The following CHN2 variants were observed in gnomAD, a reference collection of about 807,000 sequenced individuals.
CHN2 encodes the protein beta-chimaerin.
A neutral mutation model predicts 56.3 loss-of-function variants in CHN2; 35 were observed. That is an observed-to-expected ratio of 0.62 (90% confidence interval 0.47 to 0.82). CHN2 has a LOEUF of 0.82. Among genes scored for constraint, CHN2 ranks in the 40% least tolerant of loss-of-function variants. The probability of loss-of-function intolerance (pLI) is 0.00; values close to 1 mark genes in which losing one functional copy is unlikely to be tolerated. For missense variants in CHN2, 491 were observed against 580.5 expected (o/e 0.85, Z 1.58); for synonymous variants, 210 against 212.8 (o/e 0.99, Z 0.12).
intron 1 of CHN2, among the ~76,000 whole-genome samples, chr7:29,296,909 A>C (rs1427809071): frequency 1.1e-4 from 16 of 152,180 alleles, no homozygotes; most frequent in Admixed American, 1.0e-3. Context: ...CTATGACAGG[A>C]TCCTGGCTGG....
intron 6 of CHN2, among the ~76,000 whole-genome samples, chr7:29,452,397 C>T (rs1784466675): frequency 6.6e-6 from 1 of 152,154 alleles, no homozygotes; most frequent in South Asian, 2.1e-4. Context: ...AGAGCCGGCA[C>T]CTGAGAGGGA....
chr7:29,389,782 G>T (rs974363224), intron 3 of CHN2, among the ~76,000 whole-genome samples: 1 of 152,044 alleles, frequency 6.6e-6, no homozygotes. Flanking sequence ...GGCCAGGCAC[G>T]GTGGCTCATG....
chr7:29,444,421 T>G (rs973933402), intron 6 of CHN2, among the ~76,000 whole-genome samples: 1 of 152,168 alleles, frequency 6.6e-6, no homozygotes, highest in Non-Finnish European at 1.5e-5. Flanking sequence ...GCATTTCATC[T>G]GGGCCCAAGG....
Position 29,194,871 on chromosome 7 carries a change from G to T in CHN2, c.-71G>T, listed in dbSNP as rs946103323. On this transcript the variant is annotated 5_prime_UTR_variant, in exon 1 of 13. Transcript: ENST00000222792. Reference sequence around the variant, plus strand: ...CTGGGGGCCGCGGAGGCTGCGAGCGGCCGGGCGAGGGCAGCGGCGGCGGCG... The same window carrying T: ...CTGGGGGCCGCGGAGGCTGCGAGCGTCCGGGCGAGGGCAGCGGCGGCGGCG... 66 of 1,330,624 alleles carry T rather than the reference G, an allele frequency of 5.0e-5. No individual in the cohort carries two copies. The African/African-American group carries it at 9.5e-4, about 19-fold the overall frequency. The allele number at this position is 1,330,624 out of a possible 1,614,324, so 82.4% of individuals were successfully genotyped here. A position where few individuals can be genotyped will look rare whatever the true frequency, so the allele number is the denominator to read the frequency against.
intron 3 of CHN2, chr7:29,380,757 C>T (rs984959827): frequency 6.6e-6 from 1 of 152,128 alleles, no homozygotes; most frequent in Non-Finnish European, 1.5e-5. Context: ...TGAGTTTTCC[C>T]TTGATTTGAT....
At chr7:29,160,362 T>A (rs182873304) in intron 2 of CHN2, among the ~76,000 whole-genome samples, 75 of 152,334 alleles carry the variant, frequency 4.9e-4, no homozygotes, top group Admixed American at 1.7e-3. Context: ...TGTATGTGGC[T>A]GACAACGTTA....
At chr7:29,444,030 G>A (rs911882347) in intron 6 of CHN2, among the ~76,000 whole-genome samples, 3 of 152,128 alleles carry the variant, frequency 2.0e-5, no homozygotes, top group Non-Finnish European at 4.4e-5. Flanking sequence ...TTTGCTTATA[G>A]AGCAACTTTC....
chr7:29,297,515 T>C (rs1194758220), intron 1 of CHN2, among the ~76,000 whole-genome samples: 2 of 152,082 alleles, frequency 1.3e-5, no homozygotes, highest in Non-Finnish European at 2.9e-5. Flanking sequence ...TGGAGTTTGA[T>C]GGCCTGAAGT....
intron 2 of CHN2, among the ~76,000 whole-genome samples, chr7:29,162,533 T>C (rs1382169774): frequency 6.6e-6 from 1 of 151,994 alleles, no homozygotes; most frequent in Non-Finnish European, 1.5e-5. Context: ...TGGTGGCGCA[T>C]GCCTGTAATC....
At chr7:29,433,946 G>A (rs1303242469) in intron 6 of CHN2, among the ~76,000 whole-genome samples, 2 of 151,792 alleles carry the variant, frequency 1.3e-5, no homozygotes, top group Non-Finnish European at 2.9e-5. Context: ...AGGAAGGAAG[G>A]AATCTATCTT....
chr7:29,304,844 G>A (rs984193682), intron 1 of CHN2, among the ~76,000 whole-genome samples: 1 of 152,210 alleles, frequency 6.6e-6, no homozygotes, highest in Non-Finnish European at 1.5e-5. Context: ...AGTGTCGTCT[G>A]CATTTTGAAG....
rs190797552 is a variant in CHN2 at position 29,278,287 on chromosome 7, G to T, written c.50-76338G>T. ...CAGCCTGGGTATTTACCAGACCAGG[G>T]TTTCGCCAACTTTTTCTGTAAAGGG... On this transcript the variant is annotated intron_variant, in intron 1 of 12. Coordinates refer to ENST00000222792, the MANE Select transcript of CHN2 (RefSeq NM_004067.4). 7.2e-5 allele frequency among the ~76,000 whole-genome samples: 11 copies of T among 152,190 alleles called. No homozygotes were observed. In the East Asian group the frequency reaches 2.1e-3, roughly 29 times the overall value.
At chr7:29,339,507 A>G (rs981120962) in intron 1 of CHN2, among the ~76,000 whole-genome samples, 1 of 151,922 alleles carries the variant, frequency 6.6e-6, no homozygotes, top group Non-Finnish European at 1.5e-5. Flanking sequence ...AGCAGATTTT[A>G]AAAGATATCT....
chr7:29,353,849 T>C lies in CHN2; in HGVS notation c.50-776T>C, dbSNP rs546543809. On this transcript the variant is annotated intron_variant, in intron 1 of 12. Transcript: ENST00000222792. ...TTCTGCTCTATGAGTTAGACCGTGT[T>C]TTCCCAAGGCCTTATAGCTGTGAGT... Among the ~76,000 whole-genome samples the C allele has an allele frequency of 2.0e-5, 3 of 152,332 alleles. No homozygotes were observed. In the South Asian group the frequency reaches 6.2e-4, roughly 32 times the overall value.
In CHN2 at chr7:29,507,510, C is replaced by G. The variant is rs141228854; in HGVS notation, c.1129+145C>G. ...TGAGGGCACAACAATAAATAGCTGA[C>G]CAGGCATAGTTCAACAGCTGAGCTG... On this transcript the variant is annotated intron_variant, in intron 11 of 12. Transcript: ENST00000222792. 1.8e-4 allele frequency: 119 copies of G among 656,128 alleles called. No individual in the cohort carries two copies. The African/African-American group carries it at 2.0e-3, about 11-fold the overall frequency. 40.6% of individuals were successfully genotyped at this position (656,128 alleles called of 1,614,324 possible).
At chr7:29,398,620 G>GC in intron 5 of CHN2, 134 bp downstream of exon 5, 2 of 630,610 alleles carry the variant, frequency 3.2e-6, no homozygotes, top group South Asian at 3.7e-5. Context: ...TTATGAGGGG[G>GC]GGGTCCCACT....
intron 1 of CHN2, among the ~76,000 whole-genome samples, chr7:29,307,431 T>C (rs1339852243): frequency 6.6e-6 from 1 of 152,226 alleles, no homozygotes; most frequent in Non-Finnish European, 1.5e-5. Flanking sequence ...AACCGAATAA[T>C]GGTCCCTGCA....
rs1380102301 is a variant in CHN2 at position 29,473,475 on chromosome 7, T to TTTTTTTG, written c.577-6798_577-6797insGTTTTTT. ...GTTTGTGTGTGTGTGTTTGTGTTTT[T>TTTTTTTG]TTTTTTTTGTGTGTGTGTGTGTGTG... On this transcript the variant is annotated intron_variant, in intron 6 of 12. Transcript: ENST00000222792. Among the ~76,000 whole-genome samples, 43 of 120,172 alleles carry TTTTTTTG rather than the reference T, an allele frequency of 3.6e-4. 1 individual carries two copies. The East Asian group carries it at 0.01, about 28-fold the overall frequency. 78.8% of individuals were successfully genotyped at this position (120,172 alleles called of 152,430 possible). A position where few individuals can be genotyped will look rare whatever the true frequency, so the allele number is the denominator to read the frequency against.
intron 6 of CHN2, among the ~76,000 whole-genome samples, chr7:29,413,165 C>T (rs1379865669): frequency 6.6e-6 from 1 of 152,194 alleles, no homozygotes; most frequent in Non-Finnish European, 1.5e-5. Flanking sequence ...TAATATTTCA[C>T]TTTGTTCCTA....
Sources: gnomAD v4.1 joint callset for allele counts (sites outside exome capture counted in the v4.1 genomes callset) on GRCh38, gnomAD v4.1.1 for gene constraint, MANE v1.5 for transcripts, NCBI Gene and HGNC (gene_info 2026-07-23, HGNC 2026-07-21) for gene names.